The following MLF1 variants were observed in gnomAD, a reference collection of about 807,000 sequenced individuals.
The protein encoded by MLF1 is myelodysplasia-myeloid leukemia factor 1.
Under a neutral mutation model 38.3 loss-of-function variants are expected in MLF1, and 37 were observed. The ratio of observed to expected loss-of-function variants is 0.96; its 90% confidence interval spans 0.74 to 1.27. The LOEUF (loss-of-function observed/expected upper bound fraction) is 1.27. Ranked by LOEUF, MLF1 falls within the 50% of genes most tolerant of loss-of-function variation. The pLI, the probability that MLF1 is intolerant of heterozygous loss-of-function variation, is 0.00. For missense variants in MLF1, 331 were observed against 349.2 expected (o/e 0.95, Z 0.42); for synonymous variants, 95 against 106.5 (o/e 0.89, Z 0.66).
chr3:158,590,263 T>A (rs1165196953), intron 1 of MLF1, among the ~76,000 whole-genome samples: 2 of 152,142 alleles, frequency 1.3e-5, no homozygotes, highest in Non-Finnish European at 2.9e-5. Context: ...TAATACAAAA[T>A]AAAACTACAA....
At position 158,571,254 on chromosome 3, in the gene MLF1, G is replaced by A; in HGVS notation, c.-47G>A. 3 of 1,508,654 alleles carry A rather than the reference G, an allele frequency of 2.0e-6. No homozygotes were observed. The highest frequency in any genetic ancestry group is 2.8e-6 in the Non-Finnish European group (3 of 1,087,352). 93.5% of individuals were successfully genotyped at this position (1,508,654 alleles called of 1,614,324 possible). ...GTCGCGGCCGCGGCGAGTTAACATCGTTTTTCCAATCTGTCCGCGGCTGCC... is the reference window on the plus strand; with the variant it reads ...GTCGCGGCCGCGGCGAGTTAACATCATTTTTCCAATCTGTCCGCGGCTGCC... On this transcript the variant is annotated 5_prime_UTR_variant, in exon 1 of 8. Coordinates refer to ENST00000466246, the MANE Select transcript of MLF1 (RefSeq NM_001369783.1).
chr3:158,591,846 G>T (rs1272935937), intron 1 of MLF1, among the ~76,000 whole-genome samples: 4 of 147,780 alleles, frequency 2.7e-5, no homozygotes, highest in African/African-American at 1.1e-4. Context: ...AAATAAAGAT[G>T]TTTTTTTTAT....
intron 3 of MLF1, among the ~76,000 whole-genome samples, chr3:158,596,169 T>TA (rs1294245700): frequency 3.9e-5 from 6 of 152,126 alleles, no homozygotes; most frequent in Admixed American, 2.6e-4. Context: ...TGAGTATAGT[T>TA]ATTGCCAGTG....
At position 158,606,407 on chromosome 3, in the gene MLF1, A is replaced by G. The variant is rs1050868708; in HGVS notation, c.*1205A>G. On this transcript the variant is annotated 3_prime_UTR_variant, in exon 8 of 8. Coordinates refer to ENST00000466246, the MANE Select transcript of MLF1 (RefSeq NM_001369783.1). ...ATATAATATTTTTGTTAATTTTACTAGTTTGTGTTTTATGCCTTTAGTCAT... is the reference window on the plus strand; with the variant it reads ...ATATAATATTTTTGTTAATTTTACTGGTTTGTGTTTTATGCCTTTAGTCAT... 5 of 160,026 alleles carry G rather than the reference A, an allele frequency of 3.1e-5. No homozygotes were observed. The highest frequency in any genetic ancestry group is 6.8e-5 in the Non-Finnish European group (5 of 73,102). The allele number at this position is 160,026 out of a possible 1,614,324, so 9.9% of individuals were successfully genotyped here. A position where few individuals can be genotyped will look rare whatever the true frequency, so the allele number is the denominator to read the frequency against.
rs765691826 is a variant in MLF1, at chr3:158,571,345, C to T, written c.45C>T (p.Phe15=). The T allele has an allele frequency of 6.2e-7, 1 of 1,613,172 alleles. No individual in the cohort carries two copies. The highest frequency in any genetic ancestry group is 8.5e-7 in the Non-Finnish European group (1 of 1,179,926). The change falls in exon 1 of 8, where the codon TTC becomes TTT. Residue 15 remains phenylalanine, a splice_region_variant and synonymous_variant. Coordinates refer to ENST00000466246, the MANE Select transcript of MLF1 (RefSeq NM_001369783.1). ...GCAGTTTTGAGGATGACCCCTTCTT[C>T]TCGTGAGTTACGGGAGCCAGGAGTC... ...LNSSFEDDPF[F]SESILAHREN...
intron 7 of MLF1, 145 bp downstream of exon 7, chr3:158,603,084 G>A: frequency 1.5e-6 from 1 of 683,690 alleles, no homozygotes; most frequent in Non-Finnish European, 2.3e-6. Context: ...AATTTTATAT[G>A]AAAGCTGATT....
intron 2 of MLF1, 86 bp downstream of exon 2, chr3:158,592,667 T>C: frequency 9.1e-7 from 1 of 1,097,306 alleles, no homozygotes; most frequent in South Asian, 1.7e-5. Context: ...TCTATAATGA[T>C]AGGATATGAC....
At chr3:158,603,960 C>A (rs1238653023) in intron 7 of MLF1, among the ~76,000 whole-genome samples, 2 of 152,144 alleles carry the variant, frequency 1.3e-5, no homozygotes, top group Admixed American at 6.5e-5. Flanking sequence ...TATGAAGTTA[C>A]ACTCAAAGGC....
At chr3:158,601,310 C>T (rs1225945539) in intron 6 of MLF1, among the ~76,000 whole-genome samples, 6 of 152,088 alleles carry the variant, frequency 3.9e-5, no homozygotes, top group Admixed American at 2.0e-4. Context: ...TGACTCACGC[C>T]TGTAATCCTG....
intron 7 of MLF1, among the ~76,000 whole-genome samples, chr3:158,603,247 A>G (rs1720058552): frequency 6.6e-6 from 1 of 152,194 alleles, no homozygotes; most frequent in Non-Finnish European, 1.5e-5. Flanking sequence ...CTTGTAAAAC[A>G]CATTGTAATA....
intron 1 of MLF1, among the ~76,000 whole-genome samples, chr3:158,576,755 C>T (rs1323142399): frequency 6.6e-6 from 1 of 151,078 alleles, no homozygotes; most frequent in East Asian, 1.9e-4. Context: ...TCACTGCAAC[C>T]TCTGCCTCCC....
intron 1 of MLF1, among the ~76,000 whole-genome samples, chr3:158,590,071 G>T (rs1717898738): frequency 1.3e-5 from 2 of 152,178 alleles, no homozygotes; most frequent in Admixed American, 1.3e-4. Flanking sequence ...TGGTTGTGTG[G>T]CTGAATATAT....
intron 5 of MLF1, among the ~76,000 whole-genome samples, chr3:158,598,818 G>GT (rs1195942194): frequency 6.6e-6 from 1 of 151,946 alleles, no homozygotes; most frequent in Admixed American, 6.6e-5. Flanking sequence ...TGTATCTGGA[G>GT]TTTATCATTT....
At chr3:158,587,864 G>A (rs1193825850) in intron 1 of MLF1, among the ~76,000 whole-genome samples, 3 of 152,188 alleles carry the variant, frequency 2.0e-5, no homozygotes, top group Non-Finnish European at 2.9e-5. Context: ...AGCCGGGCCT[G>A]GCGGCGTGCG....
At chr3:158,586,174 A>G (rs532392800) in intron 1 of MLF1, among the ~76,000 whole-genome samples, 1 of 152,092 alleles carries the variant, frequency 6.6e-6, no homozygotes, top group East Asian at 1.9e-4. Context: ...CAAAAAAAAA[A>G]AAAAGAAAAG....
At position 158,602,076 on chromosome 3, in the gene MLF1, A is replaced by C. The variant is rs554495824; in HGVS notation, c.614-731A>C. 2.1e-4 allele frequency among the ~76,000 whole-genome samples: 32 copies of C among 152,132 alleles called. No homozygotes were observed. The East Asian group carries it at 4.5e-3, about 21-fold the overall frequency. ...TGTGATCCGCCCACCTCAGCCTCCC[A>C]AAGTGCCGGGATTACAGGCGTGAGC... On this transcript the variant is annotated intron_variant, in intron 6 of 7. Coordinates refer to ENST00000466246, the MANE Select transcript of MLF1 (RefSeq NM_001369783.1).
In MLF1 at chr3:158,605,364, CCT is replaced by C; in HGVS notation, c.*165_*166del. 2.2e-6 allele frequency: 1 copy of C among 450,676 alleles called. No homozygotes were observed. 27.9% of individuals were successfully genotyped at this position (450,676 alleles called of 1,614,324 possible). ...ATGAAGGTCCTAGCTTTATATTGTCCCTCTTTTAGGAATAAAATTTTGATTTT... is the reference window on the plus strand; with the variant it reads ...ATGAAGGTCCTAGCTTTATATTGTCCCTTTTAGGAATAAAATTTTGATTTT... On this transcript the variant is annotated 3_prime_UTR_variant, in exon 8 of 8. Transcript: ENST00000466246.
intron 1 of MLF1, among the ~76,000 whole-genome samples, chr3:158,573,786 T>C (rs1714943394): frequency 6.8e-6 from 1 of 147,128 alleles, no homozygotes; most frequent in African/African-American, 2.5e-5. Context: ...AAACAATATC[T>C]GTGGGGGGTG....
chr3:158,582,139 C>A (rs1045944920), intron 1 of MLF1, among the ~76,000 whole-genome samples: 4 of 151,936 alleles, frequency 2.6e-5, no homozygotes, highest in African/African-American at 9.7e-5. Flanking sequence ...GAGATCGTGC[C>A]ATTGCACTCC....
Sources: gnomAD v4.1 joint callset for allele counts (sites outside exome capture counted in the v4.1 genomes callset) on GRCh38, gnomAD v4.1.1 for gene constraint, MANE v1.5 for transcripts, NCBI Gene and HGNC (gene_info 2026-07-23, HGNC 2026-07-21) for gene names.